Variants in PTPRN2 observed in about 807,000 individuals in gnomAD.
The protein encoded by PTPRN2 is receptor-type tyrosine-protein phosphatase N2.
A neutral mutation model predicts 118.8 loss-of-function variants in PTPRN2; 74 were observed. The observed-to-expected ratio is 0.62, with a 90% CI of 0.52 to 0.76. PTPRN2 has a LOEUF of 0.76. PTPRN2 is among the 30% of genes least tolerant of loss of function. The pLI is 0.00. For missense variants in PTPRN2, 1,481 were observed against 1,394.4 expected (o/e 1.06, Z -0.99); for synonymous variants, 641 against 608.0 (o/e 1.05, Z -0.80).
At chr7:157,897,924 CACTG>C (rs1797225096) in intron 12 of PTPRN2, among the ~76,000 whole-genome samples, 1 of 152,288 alleles carries the variant, frequency 6.6e-6, no homozygotes, top group African/African-American at 2.4e-5. Flanking sequence ...CTTCGGTCCA[CACTG>C]ACTGACGAGT....
At chr7:158,186,483 G>C (rs906682866) in intron 5 of PTPRN2, among the ~76,000 whole-genome samples, 1 of 152,198 alleles carries the variant, frequency 6.6e-6, no homozygotes, top group African/African-American at 2.4e-5. Context: ...CCCCAAGGCC[G>C]TCCTCTTGGA....
intron 2 of PTPRN2, among the ~76,000 whole-genome samples, chr7:158,421,314 T>C (rs1471660548): frequency 6.6e-6 from 1 of 152,190 alleles, no homozygotes; most frequent in Non-Finnish European, 1.5e-5. Context: ...GAAATGAACA[T>C]GTAAGGCTGA....
At chr7:158,449,428 A>G (rs1371779577) in intron 2 of PTPRN2, among the ~76,000 whole-genome samples, 4 of 152,228 alleles carry the variant, frequency 2.6e-5, no homozygotes, top group African/African-American at 9.6e-5. Context: ...GGAGTCACCA[A>G]GAGAGGACGA....
intron 11 of PTPRN2, among the ~76,000 whole-genome samples, chr7:158,073,552 A>G (rs1812104835): frequency 1.3e-5 from 2 of 152,190 alleles, no homozygotes; most frequent in Admixed American, 1.3e-4. Context: ...CTGCTCCGGT[A>G]TAAAGACACT....
intron 2 of PTPRN2, among the ~76,000 whole-genome samples, chr7:158,462,845 T>G (rs767468777): frequency 1.1e-4 from 17 of 152,188 alleles, no homozygotes; most frequent in Admixed American, 5.2e-4. Context: ...ACAGACCCCT[T>G]CAGGCAAATC....
chr7:157,721,024 C>T (rs868023597), intron 12 of PTPRN2, among the ~76,000 whole-genome samples: 7 of 138,814 alleles, frequency 5.0e-5, no homozygotes, highest in Non-Finnish European at 8.0e-5. Context: ...GCGGGATGGA[C>T]GTGGGTCCAC....
intron 6 of PTPRN2, among the ~76,000 whole-genome samples, chr7:158,165,771 G>C (rs1386915664): frequency 6.6e-6 from 1 of 152,228 alleles, no homozygotes. Flanking sequence ...GGAAATAAAT[G>C]GGTCGGAACC....
chr7:158,137,113 CG>C (rs139707467), intron 7 of PTPRN2, among the ~76,000 whole-genome samples: 142 of 152,286 alleles, frequency 9.3e-4, no homozygotes, highest in Middle Eastern at 6.8e-3. Flanking sequence ...CTGTGGTCAG[CG>C]TTTCTCTCTA....
At chr7:158,557,166 AG>A (rs1335391935) in intron 1 of PTPRN2, among the ~76,000 whole-genome samples, 2 of 139,042 alleles carry the variant, frequency 1.4e-5, no homozygotes, top group Admixed American at 1.5e-4. Flanking sequence ...GCTCCCACGC[AG>A]GTCAGGCGGC....
chr7:158,082,061 T>A (rs1251230448), intron 10 of PTPRN2, among the ~76,000 whole-genome samples: 1 of 152,174 alleles, frequency 6.6e-6, no homozygotes, highest in African/African-American at 2.4e-5. Context: ...TGACCCCATG[T>A]CCACAGATGA....
chr7:157,840,175 GTGTGACCGTGTGTGAC>G (rs1808282601), intron 12 of PTPRN2, among the ~76,000 whole-genome samples: 1 of 150,450 alleles, frequency 6.6e-6, no homozygotes, highest in South Asian at 2.1e-4. Flanking sequence ...CTGTGTGACT[GTGTGACCGTGTGTGAC>G]TGTGACCGCG....
intron 13 of PTPRN2, among the ~76,000 whole-genome samples, chr7:157,661,608 G>T (rs1795895914): frequency 6.6e-6 from 1 of 151,650 alleles, no homozygotes; most frequent in Non-Finnish European, 1.5e-5. Context: ...GGATGATGGG[G>T]AAGCCGGGTC....
At chr7:157,879,994 T>C (rs932722246) in intron 12 of PTPRN2, among the ~76,000 whole-genome samples, 15 of 152,212 alleles carry the variant, frequency 9.9e-5, no homozygotes, top group African/African-American at 3.6e-4. Flanking sequence ...TTTATGAAAA[T>C]TTGGGCAACA....
chr7:158,021,908 TAGTA>T (rs1241145165), intron 11 of PTPRN2, among the ~76,000 whole-genome samples: 1 of 152,158 alleles, frequency 6.6e-6, no homozygotes, highest in Non-Finnish European at 1.5e-5. Flanking sequence ...ACCTCTGTCC[TAGTA>T]AGTATTAAAA....
chr7:158,070,307 C>T (rs1353406172), intron 11 of PTPRN2, among the ~76,000 whole-genome samples: 87 of 140,676 alleles, frequency 6.2e-4, no homozygotes, highest in South Asian at 9.0e-4. Context: ...TGGAGGTGCT[C>T]CTGGTGGTGG....
At chr7:158,228,320 T>C (rs1044110148) in intron 3 of PTPRN2, among the ~76,000 whole-genome samples, 1 of 152,150 alleles carries the variant, frequency 6.6e-6, no homozygotes, top group Non-Finnish European at 1.5e-5. Flanking sequence ...TTACTGAGAA[T>C]GTTCAGAGAT....
chr7:157,944,033 A>G lies in PTPRN2; in HGVS notation c.1724-45296T>C, dbSNP rs1485341112. On this transcript the variant is annotated intron_variant, in intron 11 of 22. Coordinates refer to ENST00000389418, the MANE Select transcript of PTPRN2 (RefSeq NM_002847.5). The surrounding 1 kb of genome is among the most constrained non-coding windows in gnomAD (Gnocchi z 4.3). ...CTCCACGTTGTAAGGGTTTTAAACC[A>G]ATGTTTCTAAGGGAGCACTGGGCTT... is the stretch of plus-strand genomic sequence containing the variant. Among the ~76,000 whole-genome samples the G allele has an allele frequency of 3.3e-5, 5 of 152,204 alleles. No individual in the cohort carries two copies. The highest frequency in any genetic ancestry group is 7.3e-5 in the Non-Finnish European group (5 of 68,046).
intron 3 of PTPRN2, among the ~76,000 whole-genome samples, chr7:158,227,787 T>A: frequency 6.6e-6 from 1 of 152,162 alleles, no homozygotes; most frequent in Non-Finnish European, 1.5e-5. Flanking sequence ...CTTAAGAAGA[T>A]GACGTGAAGT....
At chr7:158,522,534 T>C (rs1026279015) in intron 1 of PTPRN2, among the ~76,000 whole-genome samples, 4 of 151,226 alleles carry the variant, frequency 2.6e-5, no homozygotes, top group African/African-American at 9.8e-5. Context: ...GGATGGTGCA[T>C]GTGCAGGGTG....
Sources: allele counts gnomAD v4.1 joint callset (sites outside exome capture counted in the v4.1 genomes callset), GRCh38; gene constraint gnomAD v4.1.1; non-coding constraint Gnocchi (gnomAD v3.1); transcripts MANE v1.5; gene names NCBI Gene and HGNC (gene_info 2026-07-23, HGNC 2026-07-21).